LIM2: variants seen among roughly 807,000 people sequenced by gnomAD.
LIM2 encodes the protein lens fiber membrane intrinsic protein.
A neutral mutation model predicts 19.0 loss-of-function variants in LIM2; 14 were observed. The observed-to-expected ratio is 0.74, with a 90% CI of 0.49 to 1.15. The LOEUF (loss-of-function observed/expected upper bound fraction) is 1.15. Among genes scored for constraint, LIM2 ranks in the 50% most tolerant of loss-of-function variants. The pLI is 0.00. For synonymous variants in LIM2, 78 were observed against 89.6 expected, an observed-to-expected ratio of 0.87 and a Z score of 0.73; for missense variants, 230 against 243.5, an observed-to-expected ratio of 0.94 and a Z score of 0.37.
rs2123661644 is a variant in LIM2, at chr19:51,380,009, C to T, written c.*192G>A. ...CAGACGGGGACTTGAGTCTTCTCAG[C>T]TCCCTCCCATGGGCCCTATTCTTCC... On this transcript the variant is annotated 3_prime_UTR_variant, in exon 5 of 5. Transcript: ENST00000596399. 1 of 625,550 alleles carries T rather than the reference C, an allele frequency of 1.6e-6. No homozygotes were observed. Among genetic ancestry groups the T allele is most frequent in the African/African-American group, 1.8e-5 (1 of 54,554 alleles). 38.7% of individuals were successfully genotyped at this position (625,550 alleles called of 1,614,324 possible).
chr19:51,380,632 G>C lies in LIM2; in HGVS notation c.333C>G (p.Phe111Leu). The change falls in exon 4 of 5, where the codon TTC (phenylalanine) becomes TTG (leucine). Residue 111 changes from phenylalanine to leucine, a missense_variant. Transcript: ENST00000596399. ...TGTAGATGGCCAAGGCCAACACGAC[G>C]AAAAGGGCTGGGGAGAGAGGGCGGG... ...AGIMFFSSTL[F>L]VVLALAIYTG... 1 of 1,613,516 alleles carries C rather than the reference G, an allele frequency of 6.2e-7. No homozygotes were observed. Among genetic ancestry groups the C allele is most frequent in the Non-Finnish European group, 8.5e-7 (1 of 1,179,862 alleles).
intron 3 of LIM2, among the ~76,000 whole-genome samples, 157 bp from the exon 4 acceptor site, chr19:51,380,796 A>C (rs892130843): frequency 1.3e-5 from 2 of 151,734 alleles, no homozygotes; most frequent in South Asian, 2.1e-4. Context: ...GGTTGAGTTG[A>C]AATTAGGGGT....
chr19:51,387,007 A>G, intron 2 of LIM2: 1 of 713,592 alleles, frequency 1.4e-6, no homozygotes, highest in Non-Finnish European at 2.6e-6. Context: ...CACTAGCCCC[A>G]ATTGCTGTGC....
intron 2 of LIM2, among the ~76,000 whole-genome samples, chr19:51,385,618 A>G (rs1300146020): frequency 6.6e-6 from 1 of 152,210 alleles, no homozygotes; most frequent in Non-Finnish European, 1.5e-5. Context: ...GATAAGACAG[A>G]GAGGTGGCTC....
At chr19:51,383,027 C>CTTTTTTTTTTTTTTTTTTT (rs1163859181) in intron 2 of LIM2, among the ~76,000 whole-genome samples, 41 of 88,306 alleles carry the variant, frequency 4.6e-4, no homozygotes, top group Admixed American at 1.0e-3. Context: ...TTTTTCTTTT[C>CTTTTTTTTTTTTTTTTTTT]TTTTTTTTTT....
At chr19:51,380,837 G>T (rs1415281459) in intron 3 of LIM2, among the ~76,000 whole-genome samples, 198 bp from the exon 4 acceptor site, 1 of 152,010 alleles carries the variant, frequency 6.6e-6, no homozygotes. Context: ...TTTGGGATGG[G>T]GTTGGACACG....
rs756384580 is a variant in LIM2 at position 51,387,365 on chromosome 19, G to A, written c.79C>T (p.His27Tyr). The change falls in exon 2 of 5, where the codon CAC (histidine) becomes TAC (tyrosine). Residue 27 changes from histidine (H) to tyrosine (Y), a missense_variant. Transcript: ENST00000596399. ...CCTGACAGCCGGTACTGCATCCAGT[G>A]GTCTGTTGCCATGGCCACCACCAGG... Reference protein sequence around the residue: ...ILLVVAMATDHWMQYRLSGSF... With the variant: ...ILLVVAMATDYWMQYRLSGSF... 2.8e-5 allele frequency: 45 copies of A among 1,614,158 alleles called. No homozygotes were observed. Among genetic ancestry groups the A allele is most frequent in the Non-Finnish European group, 3.6e-5 (42 of 1,180,042 alleles).
At position 51,380,265 on chromosome 19, in the gene LIM2, G is replaced by A. The variant is rs1275924873; in HGVS notation, c.461-3C>T. On this transcript the variant is annotated splice_polypyrimidine_tract_variant and splice_region_variant and intron_variant, in intron 4 of 4. Transcript: ENST00000596399. The stretch of plus-strand genomic sequence containing the variant: ...GTAGGCGCACATGTAGAAAATCCCT[G>A]CATGAGAAGAAGTTCAAATTCACCC... 7.4e-6 allele frequency: 12 copies of A among 1,613,128 alleles called. No individual in the cohort carries two copies. The East Asian group carries it at 2.5e-4, about 33-fold the overall frequency.
intron 4 of LIM2, 24 bp from the exon 5 acceptor site, chr19:51,380,286 C>T (rs1986859577): frequency 6.2e-7 from 1 of 1,611,930 alleles, no homozygotes; most frequent in Non-Finnish European, 8.5e-7. Flanking sequence ...AGTTCAAATT[C>T]ACCCCCTCAA....
At chr19:51,380,307 G>A in intron 4 of LIM2, 45 bp from the exon 5 acceptor site, 1 of 1,604,998 alleles carries the variant, frequency 6.2e-7, no homozygotes, top group Non-Finnish European at 8.5e-7. Flanking sequence ...ACCTCCCCCA[G>A]CTCCATTTCC....
chr19:51,385,363 A>C (rs1003457142), intron 2 of LIM2, among the ~76,000 whole-genome samples: 1 of 152,126 alleles, frequency 6.6e-6, no homozygotes, highest in African/African-American at 2.4e-5. Context: ...CTCTACTAAA[A>C]TACAAAAATT....
chr19:51,385,454 A>C (rs1987011732), intron 2 of LIM2, among the ~76,000 whole-genome samples: 1 of 152,132 alleles, frequency 6.6e-6, no homozygotes, highest in Non-Finnish European at 1.5e-5. Flanking sequence ...CCCAGGAGGC[A>C]GAGGTTACAG....
chr19:51,381,756 C>T (rs12978391), intron 3 of LIM2, among the ~76,000 whole-genome samples: 110,466 of 151,878 alleles, frequency 0.73, 40,347 homozygotes, highest in African/African-American at 0.75. Flanking sequence ...GACAGAGTCT[C>T]GCTCTGTCGC....
chr19:51,382,529 C>A lies in LIM2; in HGVS notation c.214G>T (p.Ala72Ser), dbSNP rs1315132998. Residue 72 changes from alanine (A) to serine (S), a missense_variant, in exon 3 of 5, where the codon GCC becomes TCC. Ala to Ser is a moderately conservative substitution (Grantham distance 99, BLOSUM62 1). Transcript: ENST00000596399. Reference sequence around the variant, plus strand: ...ATGATGCCGGAGATGGCGCATAGGGCAGACAGGATCATGAAGGCCCGGGTG... The same window carrying A: ...ATGATGCCGGAGATGGCGCATAGGGAAGACAGGATCATGAAGGCCCGGGTG... ...NATRAFMILS[A>S]LCAISGIIMG... is the part of the protein sequence containing the mutation. The A allele has an allele frequency of 6.2e-7, 1 of 1,613,844 alleles. No individual in the cohort carries two copies. The highest frequency in any genetic ancestry group is 8.5e-7 in the Non-Finnish European group (1 of 1,179,888).
At chr19:51,383,524 G>A (rs973899696) in intron 2 of LIM2, among the ~76,000 whole-genome samples, 6 of 152,270 alleles carry the variant, frequency 3.9e-5, no homozygotes, top group South Asian at 2.1e-4. Context: ...CAATAAATGC[G>A]TGAAATGAAT....
At chr19:51,387,057 A>G (rs1375288675) in intron 2 of LIM2, 1 of 883,456 alleles carries the variant, frequency 1.1e-6, no homozygotes, top group African/African-American at 1.7e-5. Context: ...ACCTCTCCCA[A>G]CTTAACCTTC....
Position 51,387,390 on chromosome 19 carries a change from G to A in LIM2, c.54C>T (p.Leu18=), listed in dbSNP as rs778927617. ...GGTCTGTTGCCATGGCCACCACCAG[G>A]AGGATGGTCCCCACCCAGGCACAGA... ...GLFCAWVGTI[L]LVVAMATDHW... is the part of the protein sequence containing the mutation. Residue 18 remains leucine, a synonymous_variant, in exon 2 of 5, where the codon CTC becomes CTT. Coordinates refer to ENST00000596399, the MANE Select transcript of LIM2 (RefSeq NM_001161748.2). 34 of 1,614,092 alleles carry A rather than the reference G, an allele frequency of 2.1e-5. No homozygotes were observed. Among genetic ancestry groups the A allele is most frequent in the Middle Eastern group, 1.6e-4 (1 of 6,078 alleles).
At position 51,387,422 on chromosome 19, in the gene LIM2, C is replaced by T; in HGVS notation, c.22G>A (p.Gly8Ser). 1 of 1,614,046 alleles carries T rather than the reference C, an allele frequency of 6.2e-7. No individual in the cohort carries two copies. The highest frequency in any genetic ancestry group is 8.5e-7 in the Non-Finnish European group (1 of 1,180,028). Residue 8 changes from glycine to serine, a missense_variant, in exon 2 of 5, where the codon GGC becomes AGC. Transcript: ENST00000596399. MYSFMGG[G>S]LFCAWVGTIL... Reference sequence around the variant, plus strand: ...GTCCCCACCCAGGCACAGAACAGGCCACCACCCATGAAGCTGTACATGGTG... The same window carrying T: ...GTCCCCACCCAGGCACAGAACAGGCTACCACCCATGAAGCTGTACATGGTG...
Position 51,387,458 on chromosome 19 carries a change from A to G in LIM2, c.-6-9T>C. ...AAGCTGTACATGGTGATCTGTGGGG[A>G]AGGGGAGAGATGGGATTGGGAGCTG... is the stretch of plus-strand genomic sequence containing the variant. On this transcript the variant is annotated splice_polypyrimidine_tract_variant and intron_variant, in intron 1 of 4. Coordinates refer to ENST00000596399, the MANE Select transcript of LIM2 (RefSeq NM_001161748.2). 1 of 1,613,220 alleles carries G rather than the reference A, an allele frequency of 6.2e-7. No individual in the cohort carries two copies.
Sources: gnomAD v4.1 joint callset for allele counts (sites outside exome capture counted in the v4.1 genomes callset) on GRCh38, gnomAD v4.1.1 for gene constraint, MANE v1.5 for transcripts, NCBI Gene and HGNC (gene_info 2026-07-23, HGNC 2026-07-21) for gene names.